Variants in BUD13 observed in about 807,000 individuals in gnomAD.
BUD13 encodes the protein BUD13 spliceosome associated protein.
A neutral mutation model predicts 62.5 loss-of-function variants in BUD13; 47 were observed. The ratio of observed to expected loss-of-function variants is 0.75; its 90% CI spans 0.60 to 0.96. BUD13 has a LOEUF of 0.96. Among genes scored for constraint, BUD13 ranks in the 40% least tolerant of loss-of-function variants. The pLI is 0.00. For synonymous variants in BUD13, 293 were observed against 280.1 expected, an observed-to-expected ratio of 1.05 and a Z score of -0.46; for missense variants, 821 against 790.9, an observed-to-expected ratio of 1.04 and a Z score of -0.46.
At chr11:116,751,967 G>A (rs192269528) in intron 9 of BUD13, among the ~76,000 whole-genome samples, 57 of 152,046 alleles carry the variant, frequency 3.7e-4, no homozygotes, top group Non-Finnish European at 5.9e-4. Context: ...TTTTTGAGAC[G>A]GAGTCTTGCT....
chr11:116,754,537 A>G lies in BUD13; in HGVS notation c.1766+2609T>C, dbSNP rs967180495. ...ATATTTTGAACAAAATCCAACATAC[A>G]TTCCTGAAAACAAAACTCTCAGCAA... On this transcript the variant is annotated intron_variant, in intron 9 of 9. Coordinates refer to ENST00000260210, the MANE Select transcript of BUD13 (RefSeq NM_032725.4). Among the ~76,000 whole-genome samples, 20 of 152,354 alleles carry G rather than the reference A, an allele frequency of 1.3e-4. No individual in the cohort carries two copies. The East Asian group carries it at 3.7e-3, about 28-fold the overall frequency.
chr11:116,764,619 A>G (rs1265513963), intron 3 of BUD13, among the ~76,000 whole-genome samples: 1 of 152,202 alleles, frequency 6.6e-6, no homozygotes, highest in East Asian at 1.9e-4. Flanking sequence ...ATGGAGACCA[A>G]AAGATTCTCT....
chr11:116,770,176 T>TTGTGGAGATAGC lies in BUD13; in HGVS notation c.178_189dup (p.Ala60_Thr63dup). 1 of 1,613,734 alleles carries TTGTGGAGATAGC rather than the reference T, an allele frequency of 6.2e-7. No homozygotes were observed. The highest frequency in any genetic ancestry group is 8.5e-7 in the Non-Finnish European group (1 of 1,179,808). The stretch of plus-strand genomic sequence containing the variant: ...TCCTCTTCCTCCTTTTCTAGTTTGG[T>TTGTGGAGATAGC]TGTGGAGATAGCTGTCCAGCTCACA... On this transcript the variant is annotated inframe_insertion, in exon 2 of 10. Coordinates refer to ENST00000260210, the MANE Select transcript of BUD13 (RefSeq NM_032725.4).
At chr11:116,770,340 T>C in intron 1 of BUD13, 118 bp from the exon 2 acceptor site, 1 of 782,954 alleles carries the variant, frequency 1.3e-6, no homozygotes. Flanking sequence ...GTCCAGTCTT[T>C]GTCTACAAGG....
intron 2 of BUD13, 46 bp from the exon 3 acceptor site, chr11:116,765,492 G>A (rs773385146): frequency 6.2e-7 from 1 of 1,602,664 alleles, no homozygotes; most frequent in Non-Finnish European, 8.5e-7. Context: ...ACAGGATCCA[G>A]CCAAGAAGCA....
chr11:116,768,778 C>T (rs1027160080), intron 2 of BUD13, among the ~76,000 whole-genome samples: 3 of 151,626 alleles, frequency 2.0e-5, no homozygotes, highest in East Asian at 1.9e-4. Context: ...CCGAGGTGGG[C>T]GGATCACGAG....
At chr11:116,760,683 TGA>T (rs1591298826) in intron 5 of BUD13, 50 bp downstream of exon 5, 1 of 1,556,814 alleles carries the variant, frequency 6.4e-7, no homozygotes, top group Non-Finnish European at 8.9e-7. Flanking sequence ...TATATAAAGC[TGA>T]GAGAGAAGAG....
At position 116,759,050 on chromosome 11, in the gene BUD13, G is replaced by T. The variant is rs116588420; in HGVS notation, c.1360+24C>A. On this transcript the variant is annotated intron_variant, in intron 6 of 9. Transcript: ENST00000260210. ...AAAAAAACAGTATGAGCCTAAATTG[G>T]TCTCTGCACTTTCATATTTTTACCT... 2,356 of 1,541,214 alleles carry T rather than the reference G, an allele frequency of 1.5e-3. 31 individuals carry two copies. In the African/African-American group the frequency reaches 0.027, roughly 18 times the overall value.
intron 5 of BUD13, 124 bp downstream of exon 5, chr11:116,760,611 A>G (rs1386730264): frequency 8.9e-7 from 1 of 1,122,660 alleles, no homozygotes; most frequent in Non-Finnish European, 1.3e-6. Context: ...AGGTCCTTTT[A>G]ACTAAGATTT....
rs1286793941 is a variant in BUD13, at chr11:116,757,231, A to AT, written c.1685-5dup. Reference sequence around the variant, plus strand: ...GGACCACTGTAGCGAGGTCTCACTAATGAGAGGAGTAAGAAAAAAGTATTC... The same window carrying AT: ...GGACCACTGTAGCGAGGTCTCACTAATTGAGAGGAGTAAGAAAAAAGTATTC... On this transcript the variant is annotated splice_region_variant and splice_polypyrimidine_tract_variant and intron_variant, in intron 8 of 9. Coordinates refer to ENST00000260210, the MANE Select transcript of BUD13 (RefSeq NM_032725.4). 1.9e-6 allele frequency: 3 copies of AT among 1,612,260 alleles called. No individual in the cohort carries two copies. Among genetic ancestry groups the AT allele is most frequent in the Non-Finnish European group, 2.5e-6 (3 of 1,178,482 alleles).
Position 116,760,753 on chromosome 11 carries a change from A to T in BUD13, c.1236T>A (p.Ser412Arg), listed in dbSNP as rs139212887. Residue 412 changes from serine to arginine, a missense_variant, in exon 5 of 10, where the codon AGT (serine) becomes AGA (arginine). Physicochemically the swap from Ser to Arg is moderately radical, Grantham distance 110 (BLOSUM62 -1). Around this residue, in one of 2 missense-constraint regions of BUD13, gnomAD observed 800 missense variants for 739.2 expected, o/e 1.08. Transcript: ENST00000260210. The part of the protein sequence containing the change: ...SDSDLSPPRR[S>R]QPPGKKAAHM... ...TCCTGACCTTCTTTCCAGGAGGCTG[A>T]CTCCTTCGAGGCGGGGACAGGTCAG... is the stretch of plus-strand genomic sequence containing the variant. 3.6e-4 allele frequency: 588 copies of T among 1,614,068 alleles called. 1 individual carries two copies. Among genetic ancestry groups the T allele is most frequent in the Non-Finnish European group, 4.6e-4 (543 of 1,179,990 alleles).
intron 9 of BUD13, among the ~76,000 whole-genome samples, chr11:116,753,203 A>G (rs1261287023): frequency 2.0e-5 from 3 of 152,224 alleles, no homozygotes; most frequent in African/African-American, 7.2e-5. Context: ...GCAGAAAGCC[A>G]CAGGCTTACT....
rs1414371586 is a variant in BUD13 at position 116,763,012 on chromosome 11, C to T, written c.577G>A (p.Ala193Thr). Residue 193 changes from alanine (A) to threonine (T), a missense_variant, in exon 4 of 10, where the codon GCC (alanine) becomes ACC (threonine). Ala to Thr is a moderately conservative substitution (Grantham distance 58). Coordinates refer to ENST00000260210, the MANE Select transcript of BUD13 (RefSeq NM_032725.4). Reference protein sequence around the residue: ...DSSDTSPPRRARHDSPDPSPP... With the variant: ...DSSDTSPPRRTRHDSPDPSPP... Reference sequence around the variant, plus strand: ...GAAGGATCTGGAGAATCATGACGGGCCCTCCTTGGGGGTGAAGTGTCTGAG... The same window carrying T: ...GAAGGATCTGGAGAATCATGACGGGTCCTCCTTGGGGGTGAAGTGTCTGAG... The T allele has an allele frequency of 1.9e-6, 3 of 1,613,450 alleles. No individual in the cohort carries two copies. Among genetic ancestry groups the T allele is most frequent in the Non-Finnish European group, 2.5e-6 (3 of 1,179,778 alleles).
At chr11:116,750,027 A>G (rs142138172) in intron 9 of BUD13, among the ~76,000 whole-genome samples, 266 of 152,348 alleles carry the variant, frequency 1.7e-3, no homozygotes, top group African/African-American at 5.9e-3. Flanking sequence ...TCAAGTCTAA[A>G]TCAATAGAGA....
Position 116,761,137 on chromosome 11 carries a change from C to T in BUD13, c.1037-185G>A, listed in dbSNP as rs146473419. Among the ~76,000 whole-genome samples, 858 of 152,038 alleles carry T rather than the reference C, an allele frequency of 5.6e-3. 9 individuals are homozygous for T. The highest frequency in any genetic ancestry group is 0.02 in the African/African-American group (811 of 41,462). ...CATGATCTCAGCTCACTGCAACCTCCGCCTCCTGGGTTCAAGCAATTATTG... is the reference window on the plus strand; with the variant it reads ...CATGATCTCAGCTCACTGCAACCTCTGCCTCCTGGGTTCAAGCAATTATTG... On this transcript the variant is annotated intron_variant, in intron 4 of 9. Coordinates refer to ENST00000260210, the MANE Select transcript of BUD13 (RefSeq NM_032725.4).
At chr11:116,759,037 T>C in intron 6 of BUD13, 37 bp downstream of exon 6, 1 of 1,446,618 alleles carries the variant, frequency 6.9e-7, no homozygotes, top group Non-Finnish European at 9.6e-7. Flanking sequence ...AAAAACAGTA[T>C]GAGCCTAAAT....
Position 116,762,974 on chromosome 11 carries a change from C to T in BUD13, c.615G>A (p.Arg205=). Residue 205 remains arginine (R), a synonymous_variant, in exon 4 of 10, where the codon AGG becomes AGA. Coordinates refer to ENST00000260210, the MANE Select transcript of BUD13 (RefSeq NM_032725.4). Reference sequence around the variant, plus strand: ...ATGCACCTGAAGAATTATGCTGAGGCCTCCTTGGGGGAGAAGGATCTGGAG... The same window carrying T: ...ATGCACCTGAAGAATTATGCTGAGGTCTCCTTGGGGGAGAAGGATCTGGAG... The part of the protein sequence containing the change: ...HDSPDPSPPR[R]PQHNSSGASP... The T allele has an allele frequency of 6.2e-7, 1 of 1,613,530 alleles. No homozygotes were observed. The highest frequency in any genetic ancestry group is 8.5e-7 in the Non-Finnish European group (1 of 1,179,836).
chr11:116,755,858 T>A (rs1940313444), intron 9 of BUD13, among the ~76,000 whole-genome samples: 2 of 152,164 alleles, frequency 1.3e-5, no homozygotes. Flanking sequence ...TATAATATGG[T>A]AAATATCAAT....
rs145410701 is a variant in BUD13 at position 116,762,637 on chromosome 11, A to T, written c.952T>A (p.Tyr318Asn). The change falls in exon 4 of 10, where the codon TAT becomes AAT. Residue 318 changes from tyrosine to asparagine, a missense_variant. Physicochemically the swap from Tyr to Asn is moderately radical, Grantham distance 143. Coordinates refer to ENST00000260210, the MANE Select transcript of BUD13 (RefSeq NM_032725.4). The part of the protein sequence containing the change: ...SHLSFPKNSK[Y>N]EYDPDISPPR... The stretch of plus-strand genomic sequence containing the variant: ...GGAGAGATGTCAGGGTCATACTCAT[A>T]TTTGCTGTTCTTTGGGAATGACAAA... 1.0e-3 allele frequency: 1,673 copies of T among 1,614,058 alleles called. 13 individuals carry two copies. In the African/African-American group the frequency reaches 0.02, roughly 19 times the overall value.
Sources: allele counts gnomAD v4.1 joint callset (sites outside exome capture counted in the v4.1 genomes callset), GRCh38; gene constraint gnomAD v4.1.1; regional missense constraint gnomAD v4.1.1; transcripts MANE v1.5; gene names NCBI Gene and HGNC (gene_info 2026-07-23, HGNC 2026-07-21).